C5: variants seen among roughly 807,000 people sequenced by gnomAD.
C5 encodes C3 and PZP-like alpha-2-macroglobulin domain-containing protein 4.
A neutral mutation model predicts 218.8 loss-of-function variants in C5; 140 were observed. The ratio of observed to expected loss-of-function variants is 0.64; its 90% CI spans 0.56 to 0.74. The LOEUF (loss-of-function observed/expected upper bound fraction) is 0.74. Among genes scored for constraint, C5 ranks in the 30% least tolerant of loss-of-function variants. The probability of loss-of-function intolerance (pLI) is 0.00; values close to 1 mark genes in which losing one functional copy is unlikely to be tolerated. For synonymous variants in C5, 614 were observed against 682.3 expected (o/e 0.90, Z 1.56); for missense variants, 1,700 against 1,969.6 (o/e 0.86, Z 2.59).
chr9:120,977,034 T>C, intron 28 of C5, 129 bp from the exon 29 acceptor site: 1 of 768,154 alleles, frequency 1.3e-6, no homozygotes, highest in Non-Finnish European at 2.2e-6. Context: ...AGGAACTTCC[T>C]GAAGATGACC....
At chr9:120,994,491 G>A (rs1313769115) in intron 22 of C5, among the ~76,000 whole-genome samples, 2 of 152,052 alleles carry the variant, frequency 1.3e-5, no homozygotes, top group East Asian at 1.9e-4. Context: ...GCTGAGGCAG[G>A]AGAATCGCTT....
At chr9:120,988,925 G>A (rs998547778) in intron 25 of C5, 121 bp downstream of exon 25, 3 of 775,972 alleles carry the variant, frequency 3.9e-6, no homozygotes, top group African/African-American at 1.7e-5. Context: ...GAGAAAGAGA[G>A]GAGTGAAGGA....
chr9:121,035,718 T>A (rs2047518658), intron 4 of C5, among the ~76,000 whole-genome samples: 1 of 150,714 alleles, frequency 6.6e-6, no homozygotes, highest in Non-Finnish European at 1.5e-5. Flanking sequence ...CACAGGCACA[T>A]GCCACCATGC....
Position 121,046,402 on chromosome 9 carries a change from A to G in C5, c.66-19T>C, listed in dbSNP as rs2131823201. The stretch of plus-strand genomic sequence containing the variant: ...GACATATCTGTTGAAAAAGGAAAAG[A>G]TAAGGCTCAATGTCTTTATATGACA... On this transcript the variant is annotated intron_variant, in intron 1 of 40. Transcript: ENST00000223642. 1 of 1,528,752 alleles carries G rather than the reference A, an allele frequency of 6.5e-7. No homozygotes were observed. The allele number at this position is 1,528,752 out of a possible 1,614,324, so 94.7% of individuals were successfully genotyped here. A position where few individuals can be genotyped will look rare whatever the true frequency, so the allele number is the denominator to read the frequency against.
At position 121,037,900 on chromosome 9, in the gene C5, T is replaced by C. The variant is rs1219686903; in HGVS notation, c.473A>G (p.Glu158Gly). The change falls in exon 4 of 41, where the codon GAA becomes GGA. Residue 158 changes from glutamate to glycine, a missense_variant. Coordinates refer to ENST00000223642, the MANE Select transcript of C5 (RefSeq NM_001735.3). The part of the protein sequence containing the change: ...LNDDLKPAKR[E>G]TVLTFIDPEG... ...ACTTACTATGAAAGTTAAGACAGTT[T>C]CTCTTTTGGCTGGCTTCAAGTCGTC... 6.6e-7 allele frequency: 1 copy of C among 1,511,354 alleles called. No individual in the cohort carries two copies. Among genetic ancestry groups the C allele is most frequent in the Non-Finnish European group, 9.1e-7 (1 of 1,100,944 alleles). 93.6% of individuals were successfully genotyped at this position (1,511,354 alleles called of 1,614,324 possible). A position where few individuals can be genotyped will look rare whatever the true frequency, so the allele number is the denominator to read the frequency against.
At chr9:121,066,930 A>G in the C5 span, among the ~76,000 whole-genome samples, 7 of 152,020 alleles carry the variant, frequency 4.6e-5, no homozygotes, top group Middle Eastern at 3.2e-3. Flanking sequence ...ACAAAGTTCA[A>G]CATCCTTTAT....
At chr9:120,989,222 T>TG in intron 24 of C5, 101 bp from the exon 25 acceptor site, 1 of 930,966 alleles carries the variant, frequency 1.1e-6, no homozygotes, top group Non-Finnish European at 1.8e-6. Context: ...CCTTTGGTGT[T>TG]GGGCAGCAAG....
intron 19 of C5, 37 bp downstream of exon 19, chr9:121,006,867 C>T: frequency 7.7e-7 from 1 of 1,303,484 alleles, no homozygotes; most frequent in South Asian, 1.2e-5. Flanking sequence ...CTAATCAAAT[C>T]ACTATTTAAA....
chr9:120,972,658 A>C (rs978112872), intron 30 of C5, among the ~76,000 whole-genome samples: 1 of 152,222 alleles, frequency 6.6e-6, no homozygotes, highest in African/African-American at 2.4e-5. Context: ...TCTCCTCTCC[A>C]GAGAAACTCT....
Position 120,977,346 on chromosome 9 carries a change from G to C in C5, c.3659-441C>G, listed in dbSNP as rs572003633. Among the ~76,000 whole-genome samples, 56 of 152,244 alleles carry C rather than the reference G, an allele frequency of 3.7e-4. 2 individuals are homozygous for C. The South Asian group carries it at 0.011, about 30-fold the overall frequency. On this transcript the variant is annotated intron_variant, in intron 28 of 40. Coordinates refer to ENST00000223642, the MANE Select transcript of C5 (RefSeq NM_001735.3). ...GTTTAGACTTGAGTCCCATCCCCAA[G>C]ATATATCATTATGTATATGTAAATA...
At chr9:120,961,391 G>A in intron 37 of C5, 91 bp downstream of exon 37, 1 of 810,174 alleles carries the variant, frequency 1.2e-6, no homozygotes, top group Non-Finnish European at 2.2e-6. Flanking sequence ...AGAAAGAACA[G>A]TTTACCAAAC....
chr9:120,981,505 A>C (rs978692526), intron 27 of C5, among the ~76,000 whole-genome samples: 19 of 152,234 alleles, frequency 1.2e-4, no homozygotes, highest in African/African-American at 4.3e-4. Flanking sequence ...AGCAAAGATA[A>C]GACAGAGAAG....
intron 39 of C5, 110 bp downstream of exon 39, chr9:120,957,175 G>C: frequency 1.3e-6 from 1 of 786,968 alleles, no homozygotes; most frequent in South Asian, 1.4e-5. Flanking sequence ...AAAAAGGCAA[G>C]AGCTCTGTCT....
intron 21 of C5, 68 bp downstream of exon 21, chr9:120,997,479 C>T: frequency 9.2e-7 from 1 of 1,089,724 alleles, no homozygotes. Flanking sequence ...TTGTTTCTCT[C>T]CCCCCCCTTT....
In C5 at chr9:121,033,040, A is replaced by G. The variant is rs1042114065; in HGVS notation, c.585-845T>C. On this transcript the variant is annotated intron_variant, in intron 5 of 40. Coordinates refer to ENST00000223642, the MANE Select transcript of C5 (RefSeq NM_001735.3). ...TGTGTGTGTGTGTGTGTGTGTGTGT[A>G]TGTATGTATATATGTGTGTATACAC... Among the ~76,000 whole-genome samples, 204 of 108,818 alleles carry G rather than the reference A, an allele frequency of 1.9e-3. 2 individuals carry two copies. The highest frequency in any genetic ancestry group is 3.7e-3 in the Admixed American group (41 of 11,122). The allele number at this position is 108,818 out of a possible 152,430, so 71.4% of individuals were successfully genotyped here.
chr9:121,041,799 T>C (rs1322081437), intron 3 of C5, among the ~76,000 whole-genome samples: 2 of 152,216 alleles, frequency 1.3e-5, no homozygotes, highest in Non-Finnish European at 2.9e-5. Context: ...ACCCAACCTT[T>C]GTGGGCAGAG....
At chr9:120,989,464 AT>A in intron 24 of C5, 103 bp downstream of exon 24, 2 of 792,674 alleles carry the variant, frequency 2.5e-6, no homozygotes, top group South Asian at 3.4e-5. Flanking sequence ...TTTTGCTAAA[AT>A]TCTCTTACAA....
chr9:120,953,460 A>C (rs759733181), intron 40 of C5, among the ~76,000 whole-genome samples: 1 of 152,250 alleles, frequency 6.6e-6, no homozygotes, highest in Non-Finnish European at 1.5e-5. Context: ...TCTGAGAACT[A>C]TCAAGGGAGC....
At chr9:121,002,230 GTATATATGTATATGTATATATA>G (rs2047170621) in intron 20 of C5, among the ~76,000 whole-genome samples, 2 of 47,240 alleles carry the variant, frequency 4.2e-5, no homozygotes, top group Admixed American at 3.3e-4. Flanking sequence ...ATATATATAT[GTATATATGTATATGTATATATA>G]TGTATATATG....
Sources: allele counts gnomAD v4.1 joint callset (sites outside exome capture counted in the v4.1 genomes callset), GRCh38; gene constraint gnomAD v4.1.1; transcripts MANE v1.5; gene names NCBI Gene and HGNC (gene_info 2026-07-23, HGNC 2026-07-21).